PTCSC3: variants seen among roughly 807,000 people sequenced by gnomAD.
PTCSC3 encodes papillary thyroid carcinoma susceptibility candidate 3.
chr14:36,135,402 C>G (rs1223706591), downstream of PTCSC3, among the ~76,000 whole-genome samples: 1 of 152,154 alleles, frequency 6.6e-6, no homozygotes, highest in Admixed American at 6.5e-5. Context: ...CCCATTCTGG[C>G]TGAATAATTT....
chr14:36,148,396 G>A (rs566409379), intron 3 of PTCSC3, among the ~76,000 whole-genome samples: 3 of 152,338 alleles, frequency 2.0e-5, no homozygotes, highest in East Asian at 3.9e-4. Flanking sequence ...TCGGAAAAGC[G>A]CAGTATTCGG....
At chr14:36,142,666 T>TA (rs1486368866) in intron 3 of PTCSC3, among the ~76,000 whole-genome samples, 1 of 151,978 alleles carries the variant, frequency 6.6e-6, no homozygotes, top group Non-Finnish European at 1.5e-5. Flanking sequence ...TTTTTTTTTT[T>TA]ATTATTATAC....
At chr14:36,146,609 T>G (rs572785197) in intron 3 of PTCSC3, among the ~76,000 whole-genome samples, 285 of 152,384 alleles carry the variant, frequency 1.9e-3, no homozygotes, top group Middle Eastern at 3.4e-3. Flanking sequence ...GTCTTGACTC[T>G]TTATCCAATT....
chr14:36,150,758 A>G (rs1303497042), intron 3 of PTCSC3, among the ~76,000 whole-genome samples: 3 of 152,198 alleles, frequency 2.0e-5, no homozygotes, highest in East Asian at 3.8e-4. Context: ...TTCACTATCA[A>G]ATAATAGTAT....
chr14:36,176,106 G>A (rs1882276066), intron 1 of PTCSC3, among the ~76,000 whole-genome samples: 1 of 152,132 alleles, frequency 6.6e-6, no homozygotes, highest in South Asian at 2.1e-4. Flanking sequence ...AATGTCATGT[G>A]AGTGATTAAA....
At chr14:36,146,456 T>C (rs1298509610) in intron 3 of PTCSC3, among the ~76,000 whole-genome samples, 1 of 151,506 alleles carries the variant, frequency 6.6e-6, no homozygotes, top group Admixed American at 6.6e-5. Flanking sequence ...TGGTTTAAAG[T>C]CTGTTTTATC....
At chr14:36,149,141 A>T (rs1881664980) in intron 3 of PTCSC3, among the ~76,000 whole-genome samples, 1 of 152,020 alleles carries the variant, frequency 6.6e-6, no homozygotes, top group South Asian at 2.1e-4. Flanking sequence ...AGTATTACAA[A>T]TTTCCCTCTA....
intron 2 of PTCSC3, among the ~76,000 whole-genome samples, chr14:36,162,246 T>G (rs1215379216): frequency 3.5e-5 from 4 of 113,388 alleles, no homozygotes; most frequent in South Asian, 3.2e-4. Flanking sequence ...TTCCAGGAGC[T>G]GCTGGGGTAT....
intron 3 of PTCSC3, among the ~76,000 whole-genome samples, chr14:36,153,364 A>C (rs1318505419): frequency 6.6e-6 from 1 of 152,244 alleles, no homozygotes; most frequent in African/African-American, 2.4e-5. Context: ...TGAGCCTATG[A>C]AAACATTAGC....
At chr14:36,144,002 T>TGTTCC (rs889324565) in intron 3 of PTCSC3, among the ~76,000 whole-genome samples, 5 of 152,236 alleles carry the variant, frequency 3.3e-5, no homozygotes, top group African/African-American at 7.2e-5. Flanking sequence ...GGCTCTGTTC[T>TGTTCC]GTTCCATTGA....
intron 1 of PTCSC3, among the ~76,000 whole-genome samples, chr14:36,174,213 C>T (rs1882242029): frequency 6.6e-6 from 1 of 151,922 alleles, no homozygotes; most frequent in Non-Finnish European, 1.5e-5. Flanking sequence ...GACTCAATTA[C>T]CTGTAAGCTA....
intron 1 of PTCSC3, among the ~76,000 whole-genome samples, chr14:36,175,071 A>G (rs1175705699): frequency 6.6e-6 from 1 of 152,072 alleles, no homozygotes; most frequent in Non-Finnish European, 1.5e-5. Context: ...TCCCTGCTGG[A>G]TTCTGGGGTC....
rs139596048 is a variant in PTCSC3 at position 36,152,887 on chromosome 14, C to A, written n.322+917G>T. Among the ~76,000 whole-genome samples the A allele has an allele frequency of 2.3e-4, 32 of 139,400 alleles. No individual in the cohort carries two copies. In the East Asian group the frequency reaches 5.7e-3, roughly 25 times the overall value. The allele number at this position is 139,400 out of a possible 152,430, so 91.5% of individuals were successfully genotyped here. The stretch of plus-strand genomic sequence containing the variant: ...CCAGCCTGGGCAACAGAGCGAGACT[C>A]CATCTCGAAAGGAAAAAAAAAAAGA... On this transcript the variant is annotated intron_variant and non_coding_transcript_variant, in intron 3 of 3. Transcript: ENST00000556013.
chr14:36,155,760 T>C (rs1178497181), intron 2 of PTCSC3, among the ~76,000 whole-genome samples: 1 of 152,154 alleles, frequency 6.6e-6, no homozygotes, highest in Non-Finnish European at 1.5e-5. Context: ...CTTTTAGTGG[T>C]TGGTTGTTAA....
At chr14:36,153,982 C>T (rs776332777) in intron 2 of PTCSC3, 1 of 151,776 alleles carries the variant, frequency 6.6e-6, no homozygotes, top group Non-Finnish European at 1.5e-5. Context: ...GTATGGGTCA[C>T]CTGAGCCTGG....
chr14:36,155,697 G>A (rs551592268), intron 2 of PTCSC3, among the ~76,000 whole-genome samples: 27 of 152,134 alleles, frequency 1.8e-4, no homozygotes, highest in Admixed American at 3.3e-4. Context: ...TCTGTGTCCT[G>A]TACAATTTCA....
intron 3 of PTCSC3, among the ~76,000 whole-genome samples, chr14:36,147,380 C>G (rs1881600986): frequency 6.6e-6 from 1 of 152,076 alleles, no homozygotes; most frequent in Non-Finnish European, 1.5e-5. Context: ...TCTTTTTTCT[C>G]TAAACTTCCC....
intron 2 of PTCSC3, among the ~76,000 whole-genome samples, chr14:36,162,276 A>AAAAC (rs1881979075): frequency 6.7e-6 from 1 of 150,252 alleles, no homozygotes; most frequent in Non-Finnish European, 1.5e-5. Flanking sequence ...AAAAAAAAAA[A>AAAAC]AAAAAAAAAC....
At chr14:36,176,515 A>G (rs1002409354), upstream of PTCSC3, 1 of 151,982 alleles carries the variant, frequency 6.6e-6, no homozygotes, top group Non-Finnish European at 1.5e-5. Context: ...TGGAGAAGAA[A>G]AATGCGATCC....
Sources: allele counts gnomAD v4.1 joint callset (sites outside exome capture counted in the v4.1 genomes callset), GRCh38; gene constraint gnomAD v4.1.1; transcripts MANE v1.5; gene names NCBI Gene and HGNC (gene_info 2026-07-23, HGNC 2026-07-21).